Variants in PCDH1 observed in about 807,000 individuals in gnomAD.
PCDH1 encodes protocadherin 1, also known as protocadherin-1.
Under a neutral mutation model 74.6 loss-of-function variants are expected in PCDH1, and 23 were observed. The ratio of observed to expected loss-of-function variants is 0.31; its 90% CI spans 0.22 to 0.44. PCDH1 has a LOEUF of 0.44. Among genes scored for constraint, PCDH1 ranks in the 20% least tolerant of loss-of-function variants. The pLI, the probability that PCDH1 is intolerant of heterozygous loss-of-function variation, is 1.00. For missense variants in PCDH1, 1,214 were observed against 1,641.4 expected, an observed-to-expected ratio of 0.74 and a Z score of 4.50; for synonymous variants, 647 against 686.1, an observed-to-expected ratio of 0.94 and a Z score of 0.89.
intron 1 of PCDH1, among the ~76,000 whole-genome samples, chr5:141,873,065 G>C (rs377541647): frequency 2.0e-5 from 3 of 152,092 alleles, no homozygotes; most frequent in African/African-American, 7.2e-5. Context: ...TGCAATGGTC[G>C]GACCATCTGG....
intron 2 of PCDH1, among the ~76,000 whole-genome samples, chr5:141,866,492 G>A (rs1348278036): frequency 6.6e-6 from 1 of 152,224 alleles, no homozygotes; most frequent in African/African-American, 2.4e-5. Context: ...AGAAACATGA[G>A]GGCTGGAGTT....
intron 3 of PCDH1, among the ~76,000 whole-genome samples, chr5:141,858,969 A>G (rs1752467325): frequency 6.6e-6 from 1 of 152,168 alleles, no homozygotes; most frequent in Admixed American, 6.5e-5. Context: ...AAGGTAGCCC[A>G]GAACTGCCTC....
chr5:141,854,733 G>A lies in PCDH1; in HGVS notation c.3320-297C>T, dbSNP rs1024934760. On this transcript the variant is annotated intron_variant, in intron 4 of 4. Transcript: ENST00000287008. ...GTCACCCAGGCTGGAGTGCAATGGC[G>A]CAATCTCGGCTTACTGCAACCTCCA... 5.9e-5 allele frequency among the ~76,000 whole-genome samples: 9 copies of A among 151,982 alleles called. No individual in the cohort carries two copies. The East Asian group carries it at 1.2e-3, about 20-fold the overall frequency.
chr5:141,877,490 C>T (rs1316889781), intron 1 of PCDH1, among the ~76,000 whole-genome samples: 1 of 152,072 alleles, frequency 6.6e-6, no homozygotes, highest in Non-Finnish European at 1.5e-5. Context: ...TTTGAGGGTT[C>T]ATCTAGTGAA....
At position 141,868,965 on chromosome 5, in the gene PCDH1, G is replaced by A. The variant is rs1323768488; in HGVS notation, c.507C>T (p.Ala169=). The stretch of plus-strand genomic sequence containing the variant: ...GGATGGCCAGAGTGATGACTGGTGA[G>A]GCGAAGTTGGGTGTGTTGTCATTGA... ...QDINDNTPNF[A]SPVITLAIPE... is the part of the protein sequence containing the mutation. The change falls in exon 2 of 5, where the codon GCC becomes GCT. Residue 169 remains alanine, a synonymous_variant. Transcript: ENST00000287008. The surrounding 1 kb of genome is among the most constrained non-coding windows in gnomAD (Gnocchi z 4.8). 1.9e-6 allele frequency: 3 copies of A among 1,614,224 alleles called. No homozygotes were observed.
At chr5:141,873,870 C>T (rs924128652) in intron 1 of PCDH1, among the ~76,000 whole-genome samples, 25 of 152,144 alleles carry the variant, frequency 1.6e-4, no homozygotes, top group South Asian at 4.1e-4. Flanking sequence ...GATCTCTTTC[C>T]TCCCAACCCT....
intron 4 of PCDH1, among the ~76,000 whole-genome samples, chr5:141,855,810 G>C (rs1752313177): frequency 6.6e-6 from 1 of 152,270 alleles, no homozygotes; most frequent in Non-Finnish European, 1.5e-5. Flanking sequence ...ACACCCACGG[G>C]AACAGGAGTT....
chr5:141,868,784 G>T lies in PCDH1; in HGVS notation c.688C>A (p.Pro230Thr). ...QVAEDQEEKQ[P>T]QLIVMGNLDR... ...AGGTTGCCCATCACAATGAGCTGTG[G>T]TTGCTTCTCCTCCTGGTCCTCTGCC... is the stretch of plus-strand genomic sequence containing the variant. Residue 230 changes from proline to threonine, a missense_variant, in exon 2 of 5, where the codon CCA becomes ACA. By Grantham distance (38) the Pro-to-Thr change is conservative. Around this residue, in one of 4 missense-constraint regions of PCDH1, gnomAD observed 836 missense variants for 1,182.2 expected, o/e 0.71. Transcript: ENST00000287008. The surrounding 1 kb of genome is among the most constrained non-coding windows in gnomAD (Gnocchi z 4.8). 1.9e-6 allele frequency: 3 copies of T among 1,614,214 alleles called. No homozygotes were observed. The highest frequency in any genetic ancestry group is 2.5e-6 in the Non-Finnish European group (3 of 1,180,040).
In PCDH1 at chr5:141,864,723, G is replaced by A. The variant is rs114190403; in HGVS notation, c.1608C>T (p.Gly536=). 5.5e-5 allele frequency: 89 copies of A among 1,614,174 alleles called. No homozygotes were observed. In the African/African-American group the frequency reaches 1.1e-3, roughly 21 times the overall value. ...GAGAGTAAACCAGCTCAGCATTAGAGCCAGAGTCAGCATCACTGGCAGTGA... is the reference window on the plus strand; with the variant it reads ...GAGAGTAAACCAGCTCAGCATTAGAACCAGAGTCAGCATCACTGGCAGTGA... ...AEITASDADS[G]SNAELVYSLE... Residue 536 remains glycine, a synonymous_variant, in exon 3 of 5, where the codon GGC becomes GGT. Coordinates refer to ENST00000287008, the MANE Select transcript of PCDH1 (RefSeq NM_032420.5). The surrounding 1 kb of genome is among the most constrained non-coding windows in gnomAD (Gnocchi z 5.9).
Position 141,863,185 on chromosome 5 carries a change from G to C in PCDH1, c.3099+47C>G, listed in dbSNP as rs201613360. 2.6e-6 allele frequency: 4 copies of C among 1,519,462 alleles called. No individual in the cohort carries two copies. The highest frequency in any genetic ancestry group is 3.5e-6 in the Non-Finnish European group (4 of 1,132,604). The allele number at this position is 1,519,462 out of a possible 1,614,324, so 94.1% of individuals were successfully genotyped here. ...CTCGGTCCAGATGGCTCCGTGGTAG[G>C]GGTGGGGTAGGGGCTGGGGTGTGCT... is the stretch of plus-strand genomic sequence containing the variant. On this transcript the variant is annotated intron_variant, in intron 3 of 4. Transcript: ENST00000287008. This position sits in a 1 kb window ranked among gnomAD's most constrained non-coding sequence, Gnocchi z 7.5.
chr5:141,854,203 C>T lies in PCDH1; in HGVS notation c.3553G>A (p.Val1185Met), dbSNP rs769661273. The change falls in exon 5 of 5, where the codon GTG (valine) becomes ATG (methionine). Residue 1185 changes from valine (V) to methionine (M), a missense_variant. Val to Met is a conservative substitution (Grantham distance 21). Around this residue, in one of 4 missense-constraint regions of PCDH1, gnomAD observed 194 missense variants for 198.3 expected, o/e 0.98. Transcript: ENST00000287008. ...PEDRNTKTAP[V>M]RLLPSYSAFS... The stretch of plus-strand genomic sequence containing the variant: ...GCACTGTAGGAGGGCAGGAGGCGCA[C>T]GGGGGCCGTTTTGGTGTTCCGGTCT... The T allele has an allele frequency of 8.1e-6, 13 of 1,609,858 alleles. No homozygotes were observed. The highest frequency in any genetic ancestry group is 4.5e-5 in the East Asian group (2 of 44,792).
intron 3 of PCDH1, among the ~76,000 whole-genome samples, chr5:141,858,690 T>C (rs1358079199): frequency 6.6e-6 from 1 of 152,136 alleles, no homozygotes; most frequent in Non-Finnish European, 1.5e-5. Context: ...CAACCAGAAA[T>C]TAGGAGTTGT....
rs1198026033 is a variant in PCDH1, at chr5:141,853,958, G to T, written c.*84C>A. On this transcript the variant is annotated 3_prime_UTR_variant, in exon 5 of 5. Coordinates refer to ENST00000287008, the MANE Select transcript of PCDH1 (RefSeq NM_032420.5). Reference sequence around the variant, plus strand: ...CCCTGGCCAGGAAGTCCACGCTGAAGGGGTGGAGAGTGAGGCCCTGGAATG... The same window carrying T: ...CCCTGGCCAGGAAGTCCACGCTGAATGGGTGGAGAGTGAGGCCCTGGAATG... 1.7e-5 allele frequency: 21 copies of T among 1,238,674 alleles called. No individual in the cohort carries two copies. Among genetic ancestry groups the T allele is most frequent in the Non-Finnish European group, 2.3e-5 (21 of 916,376 alleles). 76.7% of individuals were successfully genotyped at this position (1,238,674 alleles called of 1,614,324 possible).
chr5:141,876,526 C>T (rs980349585), intron 1 of PCDH1, among the ~76,000 whole-genome samples: 6 of 152,232 alleles, frequency 3.9e-5, no homozygotes, highest in African/African-American at 1.4e-4. Context: ...TCCTCCAAGG[C>T]CTCAGTGCCG....
chr5:141,856,141 G>A (rs1752326812), intron 4 of PCDH1: 8 of 1,326,224 alleles, frequency 6.0e-6, no homozygotes, highest in Non-Finnish European at 8.4e-6. Context: ...ATGGCTCAGA[G>A]CAGAGCATGG....
Position 141,864,436 on chromosome 5 carries a change from C to T in PCDH1, c.1895G>A (p.Gly632Asp). 1 of 1,614,134 alleles carries T rather than the reference C, an allele frequency of 6.2e-7. No homozygotes were observed. Among genetic ancestry groups the T allele is most frequent in the Non-Finnish European group, 8.5e-7 (1 of 1,180,008 alleles). The change falls in exon 3 of 5, where the codon GGC (glycine) becomes GAC (aspartate). Residue 632 changes from glycine to aspartate, a missense_variant. Gly to Asp is a moderately conservative substitution (Grantham distance 94). Around this residue, in one of 4 missense-constraint regions of PCDH1, gnomAD observed 836 missense variants for 1,182.2 expected, o/e 0.71. Transcript: ENST00000287008. This position sits in a 1 kb window ranked among gnomAD's most constrained non-coding sequence, Gnocchi z 5.9. Reference protein sequence around the residue: ...MENMPALSPVGMVTVIDGDKG... With the variant: ...MENMPALSPVDMVTVIDGDKG... ...GTCTCCATCAATGACAGTCACCATG[C>T]CCACTGGACTCAGTGCTGGCATGTT...
chr5:141,872,268 A>G (rs1358706948), intron 1 of PCDH1, among the ~76,000 whole-genome samples: 1 of 152,178 alleles, frequency 6.6e-6, no homozygotes, highest in Non-Finnish European at 1.5e-5. Flanking sequence ...CCTCCTCTGC[A>G]TATACAATGT....
At chr5:141,873,646 G>A (rs754023861) in intron 1 of PCDH1, among the ~76,000 whole-genome samples, 31 of 145,766 alleles carry the variant, frequency 2.1e-4, no homozygotes, top group Admixed American at 4.1e-4. Context: ...TTTTAGTAGA[G>A]ACGGGGTTTC....
intron 1 of PCDH1, among the ~76,000 whole-genome samples, chr5:141,872,524 C>T (rs570283471): frequency 4.6e-5 from 7 of 152,262 alleles, no homozygotes; most frequent in South Asian, 2.1e-4. Flanking sequence ...AAATTTTAGC[C>T]GCTAATTCAG....
Sources: gnomAD v4.1 joint callset for allele counts (sites outside exome capture counted in the v4.1 genomes callset) on GRCh38, gnomAD v4.1.1 for gene constraint, gnomAD v4.1.1 regional missense constraint, Gnocchi (gnomAD v3.1) non-coding constraint, MANE v1.5 for transcripts, NCBI Gene and HGNC (gene_info 2026-07-23, HGNC 2026-07-21) for gene names.